The following ARNT2 variants were observed in gnomAD, a reference collection of about 807,000 sequenced individuals.
ARNT2 encodes ARNT protein 2.
In ARNT2, 36 loss-of-function variants were observed where a neutral mutation model predicts 91.7. The ratio of observed to expected loss-of-function variants is 0.39; its 90% CI spans 0.30 to 0.52. The LOEUF is 0.52. Among genes scored for constraint, ARNT2 ranks in the 20% least tolerant of loss-of-function variants. The pLI, the probability that ARNT2 is intolerant of heterozygous loss-of-function variation, is 0.72. For missense variants in ARNT2, 775 were observed against 939.3 expected, an observed-to-expected ratio of 0.83 and a Z score of 2.29; for synonymous variants, 365 against 347.1, an observed-to-expected ratio of 1.05 and a Z score of -0.57.
chr15:80,467,762 G>A (rs1218945663), intron 3 of ARNT2, among the ~76,000 whole-genome samples: 3 of 152,158 alleles, frequency 2.0e-5, no homozygotes. Flanking sequence ...ACCCTCCTCT[G>A]AGAGCTCCTC....
At chr15:80,585,008 A>G (rs1380308304) in intron 17 of ARNT2, among the ~76,000 whole-genome samples, 1 of 152,216 alleles carries the variant, frequency 6.6e-6, no homozygotes, top group Non-Finnish European at 1.5e-5. Flanking sequence ...AGCTTTGTAG[A>G]CTGAGTTTAT....
intron 15 of ARNT2, among the ~76,000 whole-genome samples, chr15:80,579,276 AAGG>A (rs1259703298): frequency 3.3e-5 from 5 of 152,198 alleles, no homozygotes; most frequent in African/African-American, 4.8e-5. Context: ...TTTCATCAGG[AAGG>A]AGAATGGGAA....
chr15:80,591,137 G>A lies in ARNT2; in HGVS notation c.1919-431G>A, dbSNP rs553035632. Among the ~76,000 whole-genome samples the A allele has an allele frequency of 1.1e-4, 16 of 152,344 alleles. No homozygotes were observed. Among genetic ancestry groups the A allele is most frequent in the African/African-American group, 3.6e-4 (15 of 41,576 alleles). Reference sequence around the variant, plus strand: ...GACCGAGAGGGAATCAGGAGCAGGGGCAGGTGTGTCTTCCTCCTCATGCCA... The same window carrying A: ...GACCGAGAGGGAATCAGGAGCAGGGACAGGTGTGTCTTCCTCCTCATGCCA... On this transcript the variant is annotated intron_variant, in intron 17 of 18. Transcript: ENST00000303329. This position sits in a 1 kb window ranked among gnomAD's most constrained non-coding sequence, Gnocchi z 5.1.
chr15:80,574,083 C>T, intron 12 of ARNT2, 65 bp from the exon 13 acceptor site: 2 of 1,420,394 alleles, frequency 1.4e-6, no homozygotes, highest in East Asian at 4.6e-5. Flanking sequence ...GGGAAAAGTC[C>T]TGGCTTAGCC....
chr15:80,540,638 C>T (rs1897890406), intron 8 of ARNT2, among the ~76,000 whole-genome samples: 1 of 152,058 alleles, frequency 6.6e-6, no homozygotes, highest in African/African-American at 2.4e-5. Flanking sequence ...GTTTTGAAAC[C>T]TTTGCCCTCC....
intron 8 of ARNT2, among the ~76,000 whole-genome samples, chr15:80,540,245 A>C (rs1279494980): frequency 2.0e-5 from 3 of 152,178 alleles, no homozygotes; most frequent in African/African-American, 7.2e-5. Flanking sequence ...TGTTTTCTGA[A>C]TAGTCGCACC....
intron 6 of ARNT2, among the ~76,000 whole-genome samples, chr15:80,511,021 C>A (rs549211215): frequency 2.0e-5 from 3 of 152,000 alleles, no homozygotes; most frequent in Non-Finnish European, 4.4e-5. Flanking sequence ...CAATCCCATT[C>A]CTGGGTATAT....
At chr15:80,507,148 A>C (rs773040998) in intron 5 of ARNT2, among the ~76,000 whole-genome samples, 3 of 152,136 alleles carry the variant, frequency 2.0e-5, no homozygotes, top group Non-Finnish European at 4.4e-5. Flanking sequence ...TTCCCCTAAG[A>C]TGGAAGAGAT....
intron 1 of ARNT2, among the ~76,000 whole-genome samples, chr15:80,439,271 T>C (rs1595962332): frequency 6.6e-6 from 1 of 152,172 alleles, no homozygotes; most frequent in East Asian, 1.9e-4. Flanking sequence ...GTAGTATTGA[T>C]GTTGTTATGC....
At chr15:80,485,704 C>G (rs1186583004) in intron 5 of ARNT2, among the ~76,000 whole-genome samples, 2 of 152,084 alleles carry the variant, frequency 1.3e-5, no homozygotes, top group African/African-American at 4.8e-5. Flanking sequence ...GATGCTGACT[C>G]CAAGACCAAT....
chr15:80,529,340 A>G (rs1191982214), intron 8 of ARNT2, among the ~76,000 whole-genome samples: 2 of 152,200 alleles, frequency 1.3e-5, no homozygotes, highest in Non-Finnish European at 2.9e-5. Context: ...GATGAGCTGA[A>G]AGCACCTGGT....
intron 5 of ARNT2, among the ~76,000 whole-genome samples, chr15:80,501,239 T>A (rs998007852): frequency 1.3e-5 from 2 of 151,656 alleles, no homozygotes; most frequent in Admixed American, 1.3e-4. Context: ...AGTAAAAGTC[T>A]AATAGTAAAT....
intron 1 of ARNT2, among the ~76,000 whole-genome samples, chr15:80,439,800 C>G (rs935835419): frequency 3.9e-5 from 6 of 152,194 alleles, no homozygotes; most frequent in African/African-American, 1.4e-4. Context: ...ACAGGAAGGT[C>G]CCTCAGGTAT....
At chr15:80,443,085 A>G in intron 1 of ARNT2, 1 of 939,470 alleles carries the variant, frequency 1.1e-6, no homozygotes, top group Non-Finnish European at 1.3e-6. Flanking sequence ...GGGGTTGTTC[A>G]GAGACAGGCC....
At chr15:80,500,890 G>T in intron 5 of ARNT2, among the ~76,000 whole-genome samples, 1 of 152,152 alleles carries the variant, frequency 6.6e-6, no homozygotes, top group East Asian at 1.9e-4. Context: ...ACTAGATTTG[G>T]GCTGCAGGAA....
intron 5 of ARNT2, among the ~76,000 whole-genome samples, chr15:80,495,318 A>G (rs1234883164): frequency 6.6e-6 from 1 of 152,166 alleles, no homozygotes; most frequent in Non-Finnish European, 1.5e-5. Context: ...TCTTCCCAGT[A>G]CACTCTTTGT....
At chr15:80,407,184 TC>T (rs1294730484) in intron 1 of ARNT2, among the ~76,000 whole-genome samples, 2 of 152,214 alleles carry the variant, frequency 1.3e-5, no homozygotes, top group African/African-American at 2.4e-5. Context: ...TGCTGCTAGT[TC>T]GTGTCCAGGG....
chr15:80,469,453 G>T (rs1375237820), intron 3 of ARNT2, among the ~76,000 whole-genome samples: 1 of 151,590 alleles, frequency 6.6e-6, no homozygotes, highest in East Asian at 1.9e-4. Context: ...ACAAAGAATG[G>T]TAAGACTATA....
chr15:80,517,579 A>G (rs140284765), intron 8 of ARNT2, among the ~76,000 whole-genome samples: 3 of 149,404 alleles, frequency 2.0e-5, no homozygotes, highest in African/African-American at 4.9e-5. Context: ...TTGTATTCCA[A>G]TTACACAGAT....
Sources: gnomAD v4.1 joint callset for allele counts (sites outside exome capture counted in the v4.1 genomes callset) on GRCh38, gnomAD v4.1.1 for gene constraint, Gnocchi (gnomAD v3.1) non-coding constraint, MANE v1.5 for transcripts, NCBI Gene and HGNC (gene_info 2026-07-23, HGNC 2026-07-21) for gene names.